The following HECTD4 variants were observed in gnomAD, a reference collection of about 807,000 sequenced individuals.
HECTD4 encodes the protein probable E3 ubiquitin-protein ligase HECTD4.
A neutral mutation model predicts 471.5 loss-of-function variants in HECTD4; 114 were observed. That is an observed-to-expected ratio of 0.24 (90% CI 0.21 to 0.28). HECTD4 has a LOEUF of 0.28. Ranked by LOEUF, HECTD4 falls within the 10% of genes least tolerant of loss-of-function variation. HECTD4 has a pLI of 1.00. For missense variants in HECTD4, 3,866 were observed against 5,651.5 expected (o/e 0.68, Z 10.13); for synonymous variants, 2,012 against 2,256.0 (o/e 0.89, Z 3.07).
At chr12:112,352,066 G>A (rs549149076) in intron 1 of HECTD4, among the ~76,000 whole-genome samples, 1 of 152,326 alleles carries the variant, frequency 6.6e-6, no homozygotes, top group African/African-American at 2.4e-5. Context: ...CAGTTATAGG[G>A]AAACTAATAA....
chr12:112,376,281 C>T (rs1690732889), intron 1 of HECTD4, among the ~76,000 whole-genome samples: 1 of 151,992 alleles, frequency 6.6e-6, no homozygotes. Flanking sequence ...GAGTCTCACT[C>T]TGTGGCCCAG....
chr12:112,268,868 GTTTTTT>G (rs561805261), intron 13 of HECTD4, among the ~76,000 whole-genome samples: 20 of 65,846 alleles, frequency 3.0e-4, no homozygotes, highest in African/African-American at 7.4e-4. Flanking sequence ...GTCTGAAAAG[GTTTTTT>G]TTTTTTTTTT....
rs2135626299 is a variant in HECTD4, at chr12:112,273,825, C to T, written c.1802-30G>A. 1.9e-6 allele frequency: 3 copies of T among 1,609,000 alleles called. No homozygotes were observed. The South Asian group carries it at 3.3e-5, about 18-fold the overall frequency. Reference sequence around the variant, plus strand: ...AAAAAGAGCATACTGTATTCAGTCACCATGCCACCAGCTACCTGTATACAT... The same window carrying T: ...AAAAAGAGCATACTGTATTCAGTCATCATGCCACCAGCTACCTGTATACAT... On this transcript the variant is annotated intron_variant, in intron 10 of 75. Transcript: ENST00000682272.
chr12:112,277,877 AAAGTTGAGGC>A (rs2034559849), intron 9 of HECTD4, among the ~76,000 whole-genome samples: 1 of 152,086 alleles, frequency 6.6e-6, no homozygotes, highest in Non-Finnish European at 1.5e-5. Flanking sequence ...TTTTAATGGG[AAAGTTGAGGC>A]TTTGAATGAT....
intron 28 of HECTD4, among the ~76,000 whole-genome samples, 190 bp from the exon 29 acceptor site, chr12:112,247,266 CT>C (rs1593973086): frequency 6.6e-6 from 1 of 152,194 alleles, no homozygotes; most frequent in African/African-American, 2.4e-5. Context: ...CTTCTGGCTC[CT>C]TTTTCTGTTT....
At position 112,239,896 on chromosome 12, in the gene HECTD4, G is replaced by A. The variant is rs373200916; in HGVS notation, c.5090C>T (p.Thr1697Ile). ...CCGTACTTACCTGGTGTAAGGTATG[G>A]TACATAAGAGTCCAATGCTATTTGC... ...ACANSIGLLC[T>I]IPYTRSEEKC... Residue 1697 changes from threonine (T) to isoleucine (I), a missense_variant, in exon 33 of 76, where the codon ACC becomes ATC. By Grantham distance (89) the Thr-to-Ile change is moderately conservative. This residue lies in a region of HECTD4 where 229 missense variants were observed against 386.4 expected (regional missense o/e 0.59). Transcript: ENST00000682272. This position sits in a 1 kb window ranked among gnomAD's most constrained non-coding sequence, Gnocchi z 4.9. The A allele has an allele frequency of 2.1e-5, 34 of 1,613,836 alleles. 1 individual carries two copies. In the South Asian group the frequency reaches 2.4e-4, roughly 11 times the overall value.
chr12:112,302,975 GC>G (rs1566105190), intron 7 of HECTD4, among the ~76,000 whole-genome samples: 6 of 134,730 alleles, frequency 4.5e-5, no homozygotes, highest in Non-Finnish European at 7.8e-5. Flanking sequence ...TATTTTGTCT[GC>G]TCTTTTTTTT....
At chr12:112,250,565 TC>T (rs1368854946) in intron 24 of HECTD4, among the ~76,000 whole-genome samples, 188 bp from the exon 25 acceptor site, 1 of 151,976 alleles carries the variant, frequency 6.6e-6, no homozygotes, top group African/African-American at 2.4e-5. Context: ...GGGATCTAGC[TC>T]CCCCCCAATA....
At chr12:112,329,378 T>G (rs1029988069) in intron 1 of HECTD4, among the ~76,000 whole-genome samples, 28 of 151,858 alleles carry the variant, frequency 1.8e-4, no homozygotes, top group East Asian at 3.9e-4. Context: ...TTGTTTTTTT[T>G]TTTTTTTTTA....
In HECTD4 at chr12:112,163,193, C is replaced by T. The variant is rs2030768597; in HGVS notation, c.12969G>A (p.Glu4323=). The T allele has an allele frequency of 1.2e-6, 2 of 1,613,874 alleles. No individual in the cohort carries two copies. Among genetic ancestry groups the T allele is most frequent in the Admixed American group, 3.3e-5 (2 of 59,998 alleles). The change falls in exon 75 of 76, where the codon GAG becomes GAA. Residue 4323 remains glutamate, a synonymous_variant. Coordinates refer to ENST00000682272, the MANE Select transcript of HECTD4 (RefSeq NM_001388303.1). This position sits in a 1 kb window ranked among gnomAD's most constrained non-coding sequence, Gnocchi z 8.2. ...TGCACAGCTCCTCCTGGGTGAACATCTCCAGGGCCCCCCAGAAGAACTCGA... is the reference window on the plus strand; with the variant it reads ...TGCACAGCTCCTCCTGGGTGAACATTTCCAGGGCCCCCCAGAAGAACTCGA... The part of the protein sequence containing the change: ...QHIEFFWGAL[E]MFTQEELCKF...
In HECTD4 at chr12:112,235,074, C is replaced by T. The variant is rs1433122667; in HGVS notation, c.5915+3G>A. On this transcript the variant is annotated splice_donor_region_variant and intron_variant, in intron 37 of 75. Transcript: ENST00000682272. This position sits in a 1 kb window ranked among gnomAD's most constrained non-coding sequence, Gnocchi z 5.0. ...GTGTAGCTATCACAATCATTATGGTCACCTTAGCAATGGCTGGAGGACTTC... is the reference window on the plus strand; with the variant it reads ...GTGTAGCTATCACAATCATTATGGTTACCTTAGCAATGGCTGGAGGACTTC... 1.9e-6 allele frequency: 3 copies of T among 1,560,058 alleles called. No individual in the cohort carries two copies. Among genetic ancestry groups the T allele is most frequent in the Admixed American group, 1.9e-5 (1 of 51,394 alleles).
At position 112,243,172 on chromosome 12, in the gene HECTD4, G is replaced by C. The variant is rs1367609308; in HGVS notation, c.4958+181C>G. On this transcript the variant is annotated intron_variant, in intron 32 of 75. Coordinates refer to ENST00000682272, the MANE Select transcript of HECTD4 (RefSeq NM_001388303.1). This position sits in a 1 kb window ranked among gnomAD's most constrained non-coding sequence, Gnocchi z 6.6. ...AATTCAGGAGAAGAAGGTGAATACTGAGAGTTTTACGTTCTATTAATATGT... is the reference window on the plus strand; with the variant it reads ...AATTCAGGAGAAGAAGGTGAATACTCAGAGTTTTACGTTCTATTAATATGT... Among the ~76,000 whole-genome samples the C allele has an allele frequency of 1.3e-5, 2 of 152,194 alleles. No homozygotes were observed. Among genetic ancestry groups the C allele is most frequent in the Admixed American group, 6.5e-5 (1 of 15,280 alleles).
At chr12:112,169,349 C>T (rs1314973471) in intron 70 of HECTD4, among the ~76,000 whole-genome samples, 154 bp downstream of exon 70, 7 of 152,096 alleles carry the variant, frequency 4.6e-5, no homozygotes, top group African/African-American at 1.2e-4. Flanking sequence ...AGGACACGGG[C>T]GTGAGGCCAC....
At chr12:112,218,743 C>CT (rs528371492) in intron 45 of HECTD4, among the ~76,000 whole-genome samples, 17 of 148,410 alleles carry the variant, frequency 1.1e-4, no homozygotes, top group African/African-American at 2.0e-4. Context: ...TTTTGCCCCT[C>CT]TTTTTTTTTT....
Position 112,219,377 on chromosome 12 carries a change from A to G in HECTD4, c.7074+9T>C. 1 of 1,608,190 alleles carries G rather than the reference A, an allele frequency of 6.2e-7. No homozygotes were observed. The highest frequency in any genetic ancestry group is 1.1e-5 in the South Asian group (1 of 90,564). On this transcript the variant is annotated intron_variant, in intron 45 of 75. Coordinates refer to ENST00000682272, the MANE Select transcript of HECTD4 (RefSeq NM_001388303.1). Reference sequence around the variant, plus strand: ...CTGCAGGAGGCGCGAAGCACCGCAGAGGGCTCACCTGTCTTCGGTCAGCCT... The same window carrying G: ...CTGCAGGAGGCGCGAAGCACCGCAGGGGGCTCACCTGTCTTCGGTCAGCCT...
chr12:112,311,468 A>G (rs1243280130), intron 4 of HECTD4, among the ~76,000 whole-genome samples: 1 of 122,870 alleles, frequency 8.1e-6, no homozygotes, highest in Non-Finnish European at 1.7e-5. Context: ...ATAAATAAAT[A>G]AAGTAATTAT....
At chr12:112,202,048 T>G (rs2032443777) in intron 54 of HECTD4, among the ~76,000 whole-genome samples, 1 of 152,212 alleles carries the variant, frequency 6.6e-6, no homozygotes, top group Admixed American at 6.5e-5. Flanking sequence ...TTTCTTACAA[T>G]CAGAGTCAGA....
intron 54 of HECTD4, among the ~76,000 whole-genome samples, chr12:112,202,334 T>C (rs1250138013): frequency 6.6e-6 from 1 of 151,898 alleles, no homozygotes; most frequent in Non-Finnish European, 1.5e-5. Context: ...GCCTCCCAAG[T>C]AGCTAGGACT....
rs2031335406 is a variant in HECTD4, at chr12:112,173,951, A to G, written c.11595-1090T>C. 6.6e-6 allele frequency among the ~76,000 whole-genome samples: 1 copy of G among 151,508 alleles called. No individual in the cohort carries two copies. The highest frequency in any genetic ancestry group is 6.6e-5 in the Admixed American group (1 of 15,192). On this transcript the variant is annotated intron_variant, in intron 66 of 75. Transcript: ENST00000682272. This position sits in a 1 kb window ranked among gnomAD's most constrained non-coding sequence, Gnocchi z 4.3. ...CTGAAAATGGATTTTTAAAAAAAGC[A>G]TGTTTTGGTAGCCATTTTCTTTCCT...
Sources: allele counts gnomAD v4.1 joint callset (sites outside exome capture counted in the v4.1 genomes callset), GRCh38; gene constraint gnomAD v4.1.1; regional missense constraint gnomAD v4.1.1; non-coding constraint Gnocchi (gnomAD v3.1); transcripts MANE v1.5; gene names NCBI Gene and HGNC (gene_info 2026-07-23, HGNC 2026-07-21).